Variants in AFP observed in about 807,000 individuals in gnomAD.
The protein encoded by AFP is alpha-fetoprotein.
AFP carries 64 observed loss-of-function variants against 78.9 expected under a neutral mutation model. The observed-to-expected ratio is 0.81, with a 90% confidence interval of 0.66 to 1.00. The LOEUF (loss-of-function observed/expected upper bound fraction) is 1.00. Ranked by LOEUF, AFP falls within the 50% of genes least tolerant of loss-of-function variation. AFP has a pLI of 0.00. For synonymous variants in AFP, 254 were observed against 243.8 expected (o/e 1.04, Z -0.39); for missense variants, 689 against 703.8 (o/e 0.98, Z 0.24).
At chr4:73,447,205 C>G (rs7668327) in intron 7 of AFP, among the ~76,000 whole-genome samples, 81,525 of 151,854 alleles carry the variant, frequency 0.54, 22,191 homozygotes, top group East Asian at 0.67. Flanking sequence ...AGATATTACT[C>G]TATTATTGCA....
In AFP at chr4:73,438,176, C is replaced by T. The variant is rs1207750580; in HGVS notation, c.140C>T (p.Ala47Val). ...CTAEISLADL[A>V]TIFFAQFVQE... is the part of the protein sequence containing the mutation. ...ATTCACACGTATTTTTGTTTCAGGG[C>T]TACCATATTTTTTGCCCAGTTTGTT... Residue 47 changes from alanine (A) to valine (V), a missense_variant and splice_region_variant, in exon 3 of 15, where the codon GCT (alanine) becomes GTT (valine). Physicochemically the swap from Ala to Val is moderately conservative, Grantham distance 64. Transcript: ENST00000395792. 3 of 1,613,118 alleles carry T rather than the reference C, an allele frequency of 1.9e-6. No individual in the cohort carries two copies. Among genetic ancestry groups the T allele is most frequent in the South Asian group, 1.1e-5 (1 of 91,074 alleles).
At chr4:73,439,940 T>A (rs1480346123) in intron 3 of AFP, among the ~76,000 whole-genome samples, 1 of 4,812 alleles carries the variant, frequency 2.1e-4, no homozygotes, top group South Asian at 0.1. Flanking sequence ...TGTGTGTGTA[T>A]ATGTATATAT....
In AFP at chr4:73,437,658, T is replaced by A. The variant is rs187354754; in HGVS notation, c.137+447T>A. Reference sequence around the variant, plus strand: ...TTGGATGTCTTTCCATTCCACATTTTAAAAATTTCTAACAAAGAATTTAAA... The same window carrying A: ...TTGGATGTCTTTCCATTCCACATTTAAAAAATTTCTAACAAAGAATTTAAA... On this transcript the variant is annotated intron_variant, in intron 2 of 14. Transcript: ENST00000395792. Among the ~76,000 whole-genome samples the A allele has an allele frequency of 3.8e-3, 585 of 152,178 alleles. 3 individuals are homozygous for A. Among genetic ancestry groups the A allele is most frequent in the African/African-American group, 0.013 (558 of 41,540 alleles).
chr4:73,451,390 T>A (rs141130310), intron 11 of AFP, among the ~76,000 whole-genome samples: 1 of 152,232 alleles, frequency 6.6e-6, no homozygotes, highest in African/African-American at 2.4e-5. Context: ...TATAAAGTCA[T>A]AATTGCAAAC....
At chr4:73,450,257 T>A in intron 10 of AFP, 124 bp downstream of exon 10, 1 of 858,128 alleles carries the variant, frequency 1.2e-6, no homozygotes, top group Non-Finnish European at 1.9e-6. Flanking sequence ...GTATTGACTT[T>A]AAGTTCCCCA....
intron 11 of AFP, among the ~76,000 whole-genome samples, chr4:73,451,820 T>C (rs1238513427): frequency 6.6e-6 from 1 of 152,224 alleles, no homozygotes; most frequent in East Asian, 1.9e-4. Flanking sequence ...AAACATATTA[T>C]TTCTTATTAC....
chr4:73,447,370 C>T (rs1052508223), intron 7 of AFP, 92 bp from the exon 8 acceptor site: 4 of 897,234 alleles, frequency 4.5e-6, no homozygotes, highest in Non-Finnish European at 6.7e-6. Context: ...CTTCTCCCTC[C>T]CTCCCCTTTC....
chr4:73,437,092 A>G, intron 1 of AFP, 68 bp from the exon 2 acceptor site: 2 of 1,167,908 alleles, frequency 1.7e-6, no homozygotes, highest in Non-Finnish European at 2.6e-6. Flanking sequence ...AAACATTCAT[A>G]TGTAACAATG....
chr4:73,442,938 A>G (rs1329465407), intron 5 of AFP, among the ~76,000 whole-genome samples: 1 of 152,170 alleles, frequency 6.6e-6, no homozygotes. Flanking sequence ...ACTTGCTACC[A>G]GCAGTCCTAT....
Position 73,443,442 on chromosome 4 carries a change from C to A in AFP, c.711C>A (p.Ala237=). The change falls in exon 6 of 15, where the codon GCC becomes GCA. Residue 237 remains alanine (A), a splice_region_variant and synonymous_variant. Transcript: ENST00000395792. ...ATTTTGGGACCCGAACTTTCCAAGC[C>A]ATGTAAGTTCAAGTTCTATCTAGGG... is the stretch of plus-strand genomic sequence containing the variant. The part of the protein sequence containing the change: ...MKNFGTRTFQ[A]ITVTKLSQKF... 6.2e-7 allele frequency: 1 copy of A among 1,600,384 alleles called. No homozygotes were observed. The highest frequency in any genetic ancestry group is 8.6e-7 in the Non-Finnish European group (1 of 1,167,666).
intron 8 of AFP, 48 bp from the exon 9 acceptor site, chr4:73,449,287 T>G: frequency 6.4e-7 from 1 of 1,562,760 alleles, no homozygotes; most frequent in South Asian, 1.1e-5. Context: ...TGGCTCCTTT[T>G]GTCTCTTAGT....
chr4:73,438,721 T>C (rs1719581035), intron 3 of AFP, among the ~76,000 whole-genome samples: 1 of 152,158 alleles, frequency 6.6e-6, no homozygotes, highest in African/African-American at 2.4e-5. Context: ...AATGTGTATA[T>C]TGATAATAAA....
In AFP at chr4:73,450,671, C is replaced by T. The variant is rs1242357916; in HGVS notation, c.1346C>T (p.Ala449Val). 2 of 1,614,050 alleles carry T rather than the reference C, an allele frequency of 1.2e-6. No individual in the cohort carries two copies. Among genetic ancestry groups the T allele is most frequent in the Non-Finnish European group, 1.7e-6 (2 of 1,180,024 alleles). ...CAGCTGACCTCGTCGGAGCTGATGG[C>T]CATCACCAGAAAAATGGCAGCCACA... ...APQLTSSELM[A>V]ITRKMAATAA... Residue 449 changes from alanine to valine, a missense_variant, in exon 11 of 15, where the codon GCC (alanine) becomes GTC (valine). Ala to Val is a moderately conservative substitution (Grantham distance 64). Transcript: ENST00000395792.
At chr4:73,445,196 G>A in intron 7 of AFP, 74 bp downstream of exon 7, 1 of 1,583,538 alleles carries the variant, frequency 6.3e-7, no homozygotes. Flanking sequence ...CTAAAAGGGA[G>A]AAGGTTGTTT....
chr4:73,437,787 G>C (rs1408985343), intron 2 of AFP, among the ~76,000 whole-genome samples: 1 of 151,936 alleles, frequency 6.6e-6, no homozygotes, highest in African/African-American at 2.4e-5. Flanking sequence ...TGATCATACT[G>C]GGAATAGACA....
At chr4:73,444,595 A>G (rs1284051553) in intron 6 of AFP, among the ~76,000 whole-genome samples, 1 of 152,158 alleles carries the variant, frequency 6.6e-6, no homozygotes, top group Non-Finnish European at 1.5e-5. Flanking sequence ...CTGGATTCTC[A>G]GAAGTATTTT....
chr4:73,438,002 A>T (rs1477585218), intron 2 of AFP, among the ~76,000 whole-genome samples, 172 bp from the exon 3 acceptor site: 3 of 152,120 alleles, frequency 2.0e-5, no homozygotes, highest in African/African-American at 7.2e-5. Flanking sequence ...AAAAGACTAA[A>T]GTTTCTTCTC....
rs752500968 is a variant in AFP, at chr4:73,455,299, A to G, written c.*10+9A>G. On this transcript the variant is annotated intron_variant, in intron 14 of 14. Coordinates refer to ENST00000395792, the MANE Select transcript of AFP (RefSeq NM_001134.3). ...AGTTTAAATTACTTCAGGTAACAAA[A>G]CATTCAGACAAGCCTGAATACAATG... is the stretch of plus-strand genomic sequence containing the variant. The G allele has an allele frequency of 1.2e-6, 2 of 1,605,108 alleles. No homozygotes were observed. Among genetic ancestry groups the G allele is most frequent in the Non-Finnish European group, 1.7e-6 (2 of 1,172,234 alleles).
At chr4:73,441,948 A>G (rs1719681649) in intron 4 of AFP, among the ~76,000 whole-genome samples, 1 of 152,200 alleles carries the variant, frequency 6.6e-6, no homozygotes, top group Admixed American at 6.5e-5. Flanking sequence ...TGTTGCACTT[A>G]GCAGAAGTCT....
Sources: gnomAD v4.1 joint callset for allele counts (sites outside exome capture counted in the v4.1 genomes callset) on GRCh38, gnomAD v4.1.1 for gene constraint, MANE v1.5 for transcripts, NCBI Gene and HGNC (gene_info 2026-07-23, HGNC 2026-07-21) for gene names.